The following ZNF420 variants were observed in gnomAD, a reference collection of about 807,000 sequenced individuals.
ZNF420 encodes the protein ATM and p53-associated KZNF protein.
ZNF420 carries 31 observed loss-of-function variants against 44.7 expected under a neutral mutation model. That is an observed-to-expected ratio of 0.69 (90% CI 0.52 to 0.94). The LOEUF (loss-of-function observed/expected upper bound fraction) is 0.94. ZNF420 is among the 40% of genes least tolerant of loss of function. The pLI is 0.00. For missense variants in ZNF420, 681 were observed against 827.9 expected (o/e 0.82, Z 2.18); for synonymous variants, 245 against 267.4 (o/e 0.92, Z 0.82).
intron 1 of ZNF420, among the ~76,000 whole-genome samples, chr19:37,072,208 A>T (rs1968070038): frequency 6.6e-6 from 1 of 152,220 alleles, no homozygotes; most frequent in Admixed American, 6.5e-5. Flanking sequence ...TAATGGGCTT[A>T]AAAACTTAGA....
intron 1 of ZNF420, among the ~76,000 whole-genome samples, chr19:37,045,582 T>C (rs1322871076): frequency 2.0e-5 from 3 of 152,234 alleles, no homozygotes; most frequent in African/African-American, 7.2e-5. Flanking sequence ...AGGATTGTTT[T>C]AGATGTTGGA....
Position 37,128,504 on chromosome 19 carries a change from T to C in ZNF420, c.1513T>C (p.Cys505Arg). 2 of 1,614,028 alleles carry C rather than the reference T, an allele frequency of 1.2e-6. No individual in the cohort carries two copies. The highest frequency in any genetic ancestry group is 1.7e-6 in the Non-Finnish European group (2 of 1,179,946). Residue 505 changes from cysteine to arginine, a missense_variant, in exon 5 of 5, where the codon TGT becomes CGT. By Grantham distance (180) the Cys-to-Arg change is radical. This residue lies in a region of ZNF420 where 280 missense variants were observed against 338.6 expected (regional missense o/e 0.83). Transcript: ENST00000337995. ...RIHTGEKPYECKECRMAFTQS... is the reference protein window; with the variant it reads ...RIHTGEKPYERKECRMAFTQS... Reference sequence around the variant, plus strand: ...CCATACTGGTGAGAAACCTTATGAATGTAAAGAATGTAGAATGGCCTTTAC... The same window carrying C: ...CCATACTGGTGAGAAACCTTATGAACGTAAAGAATGTAGAATGGCCTTTAC...
Position 37,080,925 on chromosome 19 carries a change from TGGA to T in ZNF420, c.-81+538_-81+540del, listed in dbSNP as rs1274949869. Reference sequence around the variant, plus strand: ...AAAAAAAATTAGTTGGGCGTGGTGGTGGATGCACATAGTCCCAGCTACTCGGGA... The same window carrying T: ...AAAAAAAATTAGTTGGGCGTGGTGGTTGCACATAGTCCCAGCTACTCGGGA... On this transcript the variant is annotated intron_variant, in intron 2 of 4. Coordinates refer to ENST00000337995, the MANE Select transcript of ZNF420 (RefSeq NM_144689.5). Among the ~76,000 whole-genome samples, 3 of 151,478 alleles carry T rather than the reference TGGA, an allele frequency of 2.0e-5. No individual in the cohort carries two copies. The East Asian group carries it at 5.8e-4, about 29-fold the overall frequency.
chr19:37,047,731 A>T (rs1967566868), intron 1 of ZNF420, among the ~76,000 whole-genome samples: 1 of 152,216 alleles, frequency 6.6e-6, no homozygotes, highest in African/African-American at 2.4e-5. Context: ...TGTCCAGGTC[A>T]GAAAGTCCAG....
intron 1 of ZNF420, among the ~76,000 whole-genome samples, chr19:37,045,962 G>T (rs892296785): frequency 6.6e-6 from 1 of 152,188 alleles, no homozygotes; most frequent in African/African-American, 2.4e-5. Context: ...ACATGGCAGT[G>T]GCAAGAGAAA....
intron 4 of ZNF420, among the ~76,000 whole-genome samples, chr19:37,100,586 G>A (rs555067636): frequency 6.7e-4 from 102 of 152,172 alleles, no homozygotes; most frequent in Non-Finnish European, 9.4e-4. Context: ...GGTGGCAGGC[G>A]TCTGTCATCC....
At chr19:37,010,287 G>T (rs1340857860) in intron 1 of ZNF420, among the ~76,000 whole-genome samples, 1 of 152,180 alleles carries the variant, frequency 6.6e-6, no homozygotes, top group African/African-American at 2.4e-5. Context: ...ACCATTGGCG[G>T]AAAATGGCAG....
rs187494361 is a variant in ZNF420, at chr19:37,009,979, G to C, written c.-125+1897G>C. Reference sequence around the variant, plus strand: ...TGATCCCGGATTCAGCCACCACCGCGCTGCAGCAGGAGCCCCTACTGCCGC... The same window carrying C: ...TGATCCCGGATTCAGCCACCACCGCCCTGCAGCAGGAGCCCCTACTGCCGC... On this transcript the variant is annotated intron_variant, in intron 1 of 4. Transcript: ENST00000587029. 2.0e-3 allele frequency among the ~76,000 whole-genome samples: 308 copies of C among 152,242 alleles called. 1 individual carries two copies. The highest frequency in any genetic ancestry group is 7.1e-3 in the African/African-American group (296 of 41,574).
At chr19:37,027,173 A>G (rs914212044) in intron 1 of ZNF420, among the ~76,000 whole-genome samples, 2 of 152,210 alleles carry the variant, frequency 1.3e-5, no homozygotes, top group Non-Finnish European at 2.9e-5. Flanking sequence ...TTTTAAAATT[A>G]ATTGATTCTG....
intron 1 of ZNF420, among the ~76,000 whole-genome samples, chr19:37,054,800 C>A (rs2146430044): frequency 6.6e-6 from 1 of 152,292 alleles, no homozygotes; most frequent in Non-Finnish European, 1.5e-5. Flanking sequence ...TTTCTTGATT[C>A]TTCTCAGTTG....
At chr19:37,050,860 T>C (rs1451319469) in intron 1 of ZNF420, among the ~76,000 whole-genome samples, 2 of 152,226 alleles carry the variant, frequency 1.3e-5, no homozygotes, top group East Asian at 3.8e-4. Flanking sequence ...TGTGGGTTTG[T>C]CATAGATAGC....
Position 37,091,117 on chromosome 19 carries a change from A to G in ZNF420, c.132A>G (p.Ser44=), listed in dbSNP as rs1304598697. The change falls in exon 4 of 5, where the codon TCA becomes TCG. Residue 44 remains serine, a synonymous_variant. Transcript: ENST00000337995. ...VMLENYSNLV[S]LDLPSRCASK... The stretch of plus-strand genomic sequence containing the variant: ...TGGAGAACTATAGCAACTTGGTATC[A>G]CTAGGTAAGGAATCTAGCCTTCATA... 8.2e-6 allele frequency: 13 copies of G among 1,584,622 alleles called. No individual in the cohort carries two copies. The Admixed American group carries it at 2.3e-4, about 29-fold the overall frequency.
intron 1 of ZNF420, among the ~76,000 whole-genome samples, chr19:37,016,531 G>T (rs2074610053): frequency 6.6e-6 from 1 of 152,148 alleles, no homozygotes; most frequent in Admixed American, 6.5e-5. Flanking sequence ...TGCCCATTGG[G>T]AGCATGCCCG....
intron 1 of ZNF420, among the ~76,000 whole-genome samples, chr19:37,065,822 CA>C (rs1190982771): frequency 6.6e-6 from 1 of 152,114 alleles, no homozygotes; most frequent in African/African-American, 2.4e-5. Flanking sequence ...ATAAAGGTGC[CA>C]AAGACCTCCA....
chr19:37,103,967 A>ATTTT (rs58366687), intron 4 of ZNF420, among the ~76,000 whole-genome samples: 1 of 144,270 alleles, frequency 6.9e-6, no homozygotes, highest in African/African-American at 2.5e-5. Context: ...CTCTTCTCTC[A>ATTTT]TTTTTTTTTT....
intron 1 of ZNF420, among the ~76,000 whole-genome samples, chr19:37,056,694 A>G (rs2099121): frequency 1 from 152,065 of 152,304 alleles, 75,920 homozygotes; most frequent in Middle Eastern, 1. Flanking sequence ...GATAAGGTGA[A>G]CCCATCCCTG....
At chr19:37,030,162 T>C (rs1202050674) in intron 1 of ZNF420, among the ~76,000 whole-genome samples, 1 of 152,128 alleles carries the variant, frequency 6.6e-6, no homozygotes, top group Non-Finnish European at 1.5e-5. Context: ...TTTGTTGTTG[T>C]TGTTGTTGTT....
Position 37,042,126 on chromosome 19 carries a change from G to A in ZNF420, c.-125+34044G>A, listed in dbSNP as rs1568427295. Among the ~76,000 whole-genome samples, 4 of 152,172 alleles carry A rather than the reference G, an allele frequency of 2.6e-5. No homozygotes were observed. The South Asian group carries it at 6.2e-4, about 24-fold the overall frequency. Reference sequence around the variant, plus strand: ...GCAATTCTCTCCCTCAGCTTCTGGAGTAACTGGGACTACAGGTGCCCACCA... The same window carrying A: ...GCAATTCTCTCCCTCAGCTTCTGGAATAACTGGGACTACAGGTGCCCACCA... On this transcript the variant is annotated intron_variant, in intron 1 of 4. Transcript: ENST00000587029.
intron 2 of ZNF420, among the ~76,000 whole-genome samples, chr19:37,088,680 A>G (rs1162557003): frequency 6.6e-6 from 1 of 152,238 alleles, no homozygotes; most frequent in Non-Finnish European, 1.5e-5. Context: ...TTTCTTCATT[A>G]TAAGTAATTG....
Sources: allele counts gnomAD v4.1 joint callset (sites outside exome capture counted in the v4.1 genomes callset), GRCh38; gene constraint gnomAD v4.1.1; regional missense constraint gnomAD v4.1.1; transcripts MANE v1.5; gene names NCBI Gene and HGNC (gene_info 2026-07-23, HGNC 2026-07-21).